OTUD7A: variants seen among roughly 807,000 people sequenced by gnomAD.
OTUD7A encodes the protein OTU domain-containing protein 7A.
OTUD7A carries 12 observed loss-of-function variants against 65.7 expected under a neutral mutation model. The observed-to-expected ratio is 0.18, with a 90% CI of 0.12 to 0.30. The LOEUF (loss-of-function observed/expected upper bound fraction) is 0.30, where lower values mean the gene tolerates loss of function less well. Ranked by LOEUF, OTUD7A falls within the 10% of genes least tolerant of loss-of-function variation. The pLI is 1.00. For synonymous variants in OTUD7A, 641 were observed against 586.3 expected, an observed-to-expected ratio of 1.09 and a Z score of -1.35; for missense variants, 1,148 against 1,304.8, an observed-to-expected ratio of 0.88 and a Z score of 1.85.
chr15:31,734,163 A>G (rs1894122027), intron 1 of OTUD7A, among the ~76,000 whole-genome samples: 2 of 152,216 alleles, frequency 1.3e-5, no homozygotes, highest in Admixed American at 1.3e-4. Context: ...AACTGTCACA[A>G]AAAGAATAAA....
chr15:31,521,611 G>C (rs1417577776), intron 8 of OTUD7A, among the ~76,000 whole-genome samples: 1 of 152,134 alleles, frequency 6.6e-6, no homozygotes, highest in African/African-American at 2.4e-5. Context: ...AATGCCTCTT[G>C]CTTTTCCTCA....
In OTUD7A at chr15:31,767,623, G is replaced by A. The variant is rs114891373; in HGVS notation, c.-100+102884C>T. 1.6e-4 allele frequency: 128 copies of A among 788,752 alleles called. 1 individual carries two copies. In the African/African-American group the frequency reaches 1.8e-3, roughly 11 times the overall value. The allele number at this position is 788,752 out of a possible 1,614,324, so 48.9% of individuals were successfully genotyped here. ...GCACACCTAAAATAGTTTGCAGGTA[G>A]ATCAGAATAAAATATCTCCAAACTT... On this transcript the variant is annotated intron_variant, in intron 1 of 12. Coordinates refer to ENST00000307050, the MANE Select transcript of OTUD7A (RefSeq NM_001382637.1).
chr15:31,786,881 T>C (rs535716277), intron 1 of OTUD7A, among the ~76,000 whole-genome samples: 1 of 152,238 alleles, frequency 6.6e-6, no homozygotes, highest in African/African-American at 2.4e-5. Context: ...CTTCATTCCA[T>C]CTCATTATGA....
At chr15:31,832,876 T>G (rs894816634) in intron 1 of OTUD7A, among the ~76,000 whole-genome samples, 1 of 152,212 alleles carries the variant, frequency 6.6e-6, no homozygotes, top group Non-Finnish European at 1.5e-5. Context: ...GCTCCCACCT[T>G]TTTGCTACTG....
At chr15:31,521,452 C>T (rs752993971) in intron 8 of OTUD7A, among the ~76,000 whole-genome samples, 42 of 152,088 alleles carry the variant, frequency 2.8e-4, no homozygotes, top group Middle Eastern at 3.4e-3. Context: ...GTGAGGACAC[C>T]TTACGTTAGC....
intron 8 of OTUD7A, among the ~76,000 whole-genome samples, chr15:31,509,404 G>A (rs762926860): frequency 5.3e-5 from 8 of 151,766 alleles, no homozygotes; most frequent in African/African-American, 1.7e-4. Context: ...TCAGCCTCCC[G>A]AGTAGCTGGG....
intron 3 of OTUD7A, among the ~76,000 whole-genome samples, chr15:31,590,408 TGTATGTATATA>T (rs1264338088): frequency 6.6e-6 from 1 of 152,216 alleles, no homozygotes; most frequent in Non-Finnish European, 1.5e-5. Flanking sequence ...TGTATATGTG[TGTATGTATATA>T]GTATGTGCAT....
chr15:31,674,959 A>C (rs1892564587), intron 1 of OTUD7A, among the ~76,000 whole-genome samples: 1 of 152,138 alleles, frequency 6.6e-6, no homozygotes, highest in African/African-American at 2.4e-5. Context: ...CCACCCGTGG[A>C]CTTCTTATTA....
chr15:31,713,713 C>T (rs1036230426), intron 1 of OTUD7A, among the ~76,000 whole-genome samples: 8 of 150,840 alleles, frequency 5.3e-5, no homozygotes, highest in African/African-American at 1.7e-4. Flanking sequence ...GAAAAGCAAC[C>T]TACACAGAGA....
intron 3 of OTUD7A, among the ~76,000 whole-genome samples, chr15:31,610,593 T>TTATATATATATATATATA (rs1244768576): frequency 9.9e-5 from 8 of 81,014 alleles, no homozygotes; most frequent in South Asian, 4.1e-4. Context: ...AAAAATGAAA[T>TTATATATATATATATATA]TATATATATA....
At chr15:31,849,098 T>C (rs1897358302) in intron 1 of OTUD7A, among the ~76,000 whole-genome samples, 2 of 152,214 alleles carry the variant, frequency 1.3e-5, no homozygotes, top group South Asian at 2.1e-4. Context: ...TCTGATGGGC[T>C]TCCCTTTGTG....
chr15:31,569,881 A>G (rs1888990368), intron 4 of OTUD7A, 137 bp downstream of exon 4: 2 of 865,256 alleles, frequency 2.3e-6, no homozygotes, highest in Non-Finnish European at 3.5e-6. Context: ...ATAGTGTGAG[A>G]AAGAAGGCAC....
intron 1 of OTUD7A, among the ~76,000 whole-genome samples, chr15:31,757,286 C>T (rs1894842095): frequency 6.6e-6 from 1 of 151,686 alleles, no homozygotes; most frequent in African/African-American, 2.4e-5. Flanking sequence ...TTCTTTTATA[C>T]AATGTGGATG....
chr15:31,753,550 G>C (rs1894697802), intron 1 of OTUD7A, among the ~76,000 whole-genome samples: 1 of 151,184 alleles, frequency 6.6e-6, no homozygotes, highest in South Asian at 2.1e-4. Context: ...AACATACAAT[G>C]TTTGGTTGTC....
At chr15:31,844,980 A>G (rs1595809884) in intron 1 of OTUD7A, among the ~76,000 whole-genome samples, 2 of 152,320 alleles carry the variant, frequency 1.3e-5, no homozygotes, top group South Asian at 2.1e-4. Flanking sequence ...GTGGGATACA[A>G]GGAAGACCCT....
intron 3 of OTUD7A, among the ~76,000 whole-genome samples, chr15:31,645,431 T>C (rs1291415103): frequency 1.3e-5 from 2 of 152,198 alleles, no homozygotes; most frequent in African/African-American, 4.8e-5. Context: ...ATAAACCTGT[T>C]TGCATCTACT....
intron 10 of OTUD7A, among the ~76,000 whole-genome samples, chr15:31,497,695 A>G (rs2041409337): frequency 6.6e-6 from 1 of 152,088 alleles, no homozygotes; most frequent in South Asian, 2.1e-4. Flanking sequence ...GCAGGCTTTG[A>G]CTTGGGGTAC....
intron 1 of OTUD7A, among the ~76,000 whole-genome samples, chr15:31,668,400 G>A (rs1294146505): frequency 6.6e-6 from 1 of 151,966 alleles, no homozygotes; most frequent in Non-Finnish European, 1.5e-5. Context: ...CTTTGTCTTC[G>A]AGCTCTGAAT....
intron 4 of OTUD7A, among the ~76,000 whole-genome samples, chr15:31,560,170 A>G (rs1888643852): frequency 6.6e-6 from 1 of 152,254 alleles, no homozygotes; most frequent in Non-Finnish European, 1.5e-5. Context: ...ATGCAAAGAA[A>G]CAATCATTCA....
Sources: gnomAD v4.1 joint callset for allele counts (sites outside exome capture counted in the v4.1 genomes callset) on GRCh38, gnomAD v4.1.1 for gene constraint, MANE v1.5 for transcripts, NCBI Gene and HGNC (gene_info 2026-07-23, HGNC 2026-07-21) for gene names.